Variants in CARMIL3 observed in about 807,000 individuals in gnomAD.
CARMIL3 encodes capping protein, Arp2/3 and myosin-I linker protein 3.
Under a neutral mutation model 180.8 loss-of-function variants are expected in CARMIL3, and 88 were observed. That is an observed-to-expected ratio of 0.49 (90% CI 0.41 to 0.58). The LOEUF (loss-of-function observed/expected upper bound fraction) is 0.58. Ranked by LOEUF, CARMIL3 falls within the 20% of genes least tolerant of loss-of-function variation. The pLI is 0.00. For synonymous variants in CARMIL3, 696 were observed against 714.5 expected, an observed-to-expected ratio of 0.97 and a Z score of 0.41; for missense variants, 1,548 against 1,787.0, an observed-to-expected ratio of 0.87 and a Z score of 2.41.
rs45538238 is a variant in CARMIL3 at position 24,053,816 on chromosome 14, G to T, written c.135+13G>T. On this transcript the variant is annotated intron_variant, in intron 2 of 39. Transcript: ENST00000342740. ...GGACCGAGTGCTGGTGAGGGCACTG[G>T]GCATGTGGGGAGGGAGGAGGTGGCT... 1.2e-6 allele frequency: 2 copies of T among 1,604,442 alleles called. No homozygotes were observed. The highest frequency in any genetic ancestry group is 3.4e-5 in the Admixed American group (2 of 59,062).
chr14:24,065,039 C>A lies in CARMIL3; in HGVS notation c.3162C>A (p.Gly1054=), dbSNP rs1404649326. Residue 1054 remains glycine (G), a synonymous_variant, in exon 33 of 40, where the codon GGC becomes GGA. Transcript: ENST00000342740. ...CACTCCAGAAGAAGAGGCGCCGGGGCCTGTTTCACTTTCGCCGGCCCCGGA... is the reference window on the plus strand; with the variant it reads ...CACTCCAGAAGAAGAGGCGCCGGGGACTGTTTCACTTTCGCCGGCCCCGGA... The part of the protein sequence containing the change: ...LPPLQKKRRR[G]LFHFRRPRSF... The A allele has an allele frequency of 1.9e-6, 3 of 1,609,470 alleles. No individual in the cohort carries two copies. Among genetic ancestry groups the A allele is most frequent in the African/African-American group, 1.3e-5 (1 of 74,616 alleles).
chr14:24,055,443 A>G, intron 8 of CARMIL3, 100 bp from the exon 9 acceptor site: 1 of 1,503,186 alleles, frequency 6.7e-7, no homozygotes, highest in South Asian at 1.1e-5. Flanking sequence ...CCATCTACCC[A>G]TTTAGGCCTT....
At chr14:24,064,373 T>C in intron 32 of CARMIL3, 27 bp downstream of exon 32, 1 of 1,552,084 alleles carries the variant, frequency 6.4e-7, no homozygotes, top group Non-Finnish European at 8.8e-7. Context: ...CACTCCCATT[T>C]TCAGCAGGCC....
rs910656893 is a variant in CARMIL3 at position 24,055,052 on chromosome 14, C to G, written c.461-14C>G. 1.2e-6 allele frequency: 2 copies of G among 1,612,854 alleles called. No homozygotes were observed. The highest frequency in any genetic ancestry group is 1.7e-6 in the Non-Finnish European group (2 of 1,179,858). ...CCTTACCCTCATGGAATCAGCCTAT[C>G]TCCTGCCCCACAGGTGGCTTCTCTG... On this transcript the variant is annotated splice_polypyrimidine_tract_variant and intron_variant, in intron 6 of 39. Transcript: ENST00000342740.
Position 24,069,260 on chromosome 14 carries a change from A to G in CARMIL3, c.4093+13A>G. The G allele has an allele frequency of 1.2e-6, 2 of 1,613,690 alleles. No individual in the cohort carries two copies. The highest frequency in any genetic ancestry group is 1.7e-6 in the Non-Finnish European group (2 of 1,179,632). ...CCTGACCCCACAGGTGCTGGTGGTG[A>G]GAGGGCAGGTCCCCCCTTCCCACCT... is the stretch of plus-strand genomic sequence containing the variant. On this transcript the variant is annotated intron_variant, in intron 39 of 39. Transcript: ENST00000342740.
At chr14:24,055,988 C>A (rs554505021) in intron 10 of CARMIL3, among the ~76,000 whole-genome samples, 199 bp downstream of exon 10, 1 of 152,208 alleles carries the variant, frequency 6.6e-6, no homozygotes, top group East Asian at 1.9e-4. Context: ...TGACGCCCAG[C>A]TCCATGGCCT....
At chr14:24,065,357 G>A (rs1317279902) in intron 33 of CARMIL3, 84 bp downstream of exon 33, 3 of 1,297,694 alleles carry the variant, frequency 2.3e-6, no homozygotes, top group Non-Finnish European at 2.1e-6. Context: ...AAGCTTAATG[G>A]GAGAATGCTA....
intron 24 of CARMIL3, 147 bp downstream of exon 24, chr14:24,060,402 CA>C: frequency 9.0e-7 from 1 of 1,108,124 alleles, no homozygotes; most frequent in Non-Finnish European, 1.3e-6. Context: ...AAAGAGAGGA[CA>C]TGCAGGATAT....
Position 24,054,889 on chromosome 14 carries a change from C to A in CARMIL3, c.460+81C>A. ...AGAGCCCTTTGTGCACAGGGTGTTG[C>A]CTGGGCGGGCGGGCTTTGCCTGCCT... On this transcript the variant is annotated intron_variant, in intron 6 of 39. Transcript: ENST00000342740. This position sits in a 1 kb window ranked among gnomAD's most constrained non-coding sequence, Gnocchi z 5.1. The A allele has an allele frequency of 6.7e-7, 1 of 1,483,892 alleles. No homozygotes were observed. Among genetic ancestry groups the A allele is most frequent in the African/African-American group, 1.4e-5 (1 of 71,784 alleles). The allele number at this position is 1,483,892 out of a possible 1,614,324, so 91.9% of individuals were successfully genotyped here.
In CARMIL3 at chr14:24,066,623, G is replaced by A. The variant is rs372289911; in HGVS notation, c.3649G>A (p.Ala1217Thr). ...CCAAAGCACCAAACCAAGCTTCAGC[G>A]CCATGCGCAGAGCAGAGGCCACATG... ...PPQSTKPSFS[A>T]MRRAEATWHI... The change falls in exon 36 of 40, where the codon GCC (alanine) becomes ACC (threonine). Residue 1217 changes from alanine (A) to threonine (T), a missense_variant. Transcript: ENST00000342740. 2.9e-5 allele frequency: 47 copies of A among 1,614,042 alleles called. No individual in the cohort carries two copies. In the Admixed American group the frequency reaches 3.0e-4, roughly 10 times the overall value.
Position 24,059,043 on chromosome 14 carries a change from G to T in CARMIL3, c.1571+57G>T. The T allele has an allele frequency of 6.2e-7, 1 of 1,603,254 alleles. No individual in the cohort carries two copies. The highest frequency in any genetic ancestry group is 1.7e-5 in the Admixed American group (1 of 58,580). ...CATCCCATCATTCACCCATCCTCTTGGCTCACCGTATTACCTCTGGCCACC... is the reference window on the plus strand; with the variant it reads ...CATCCCATCATTCACCCATCCTCTTTGCTCACCGTATTACCTCTGGCCACC... On this transcript the variant is annotated intron_variant, in intron 19 of 39. Coordinates refer to ENST00000342740, the MANE Select transcript of CARMIL3 (RefSeq NM_138360.4). This position sits in a 1 kb window ranked among gnomAD's most constrained non-coding sequence, Gnocchi z 6.3.
rs766783156 is a variant in CARMIL3, at chr14:24,061,944, G to A, written c.2480+272G>A. On this transcript the variant is annotated intron_variant, in intron 27 of 39. Transcript: ENST00000342740. The surrounding 1 kb of genome is among the most constrained non-coding windows in gnomAD (Gnocchi z 4.1). ...AAATACACCAGGAATGGGATAGCAG[G>A]GCCTCCTCGGAGGCATGGACAAAGA... 4.1e-5 allele frequency: 17 copies of A among 419,254 alleles called. No homozygotes were observed. Among genetic ancestry groups the A allele is most frequent in the Non-Finnish European group, 4.3e-6 (1 of 233,914 alleles). The allele number at this position is 419,254 out of a possible 1,614,324, so 26.0% of individuals were successfully genotyped here.
chr14:24,067,193 TAAAC>T (rs2035796061), intron 36 of CARMIL3, among the ~76,000 whole-genome samples: 1 of 152,176 alleles, frequency 6.6e-6, no homozygotes, highest in Non-Finnish European at 1.5e-5. Context: ...CCCGCGACCT[TAAAC>T]AAGTCATTTA....
At position 24,069,534 on chromosome 14, in the gene CARMIL3, G is replaced by T. The variant is rs1390932141; in HGVS notation, c.*130G>T. On this transcript the variant is annotated 3_prime_UTR_variant, in exon 40 of 40. Transcript: ENST00000342740. Reference sequence around the variant, plus strand: ...GGGGCAAGACGGCAGGACCAGGCATGGGGGAGCTGGAGGCAGGGACTAGAA... The same window carrying T: ...GGGGCAAGACGGCAGGACCAGGCATTGGGGAGCTGGAGGCAGGGACTAGAA... The T allele has an allele frequency of 2.5e-5, 31 of 1,234,736 alleles. No homozygotes were observed. The highest frequency in any genetic ancestry group is 2.4e-4 in the Middle Eastern group (1 of 4,130). The allele number at this position is 1,234,736 out of a possible 1,614,324, so 76.5% of individuals were successfully genotyped here.
At chr14:24,064,406 G>C (rs1414098686) in intron 32 of CARMIL3, 60 bp downstream of exon 32, 1 of 1,279,850 alleles carries the variant, frequency 7.8e-7, no homozygotes, top group Non-Finnish European at 1.1e-6. Flanking sequence ...AAGGGCTGCT[G>C]TGTCCTCCCA....
At chr14:24,064,818 A>G in intron 32 of CARMIL3, 140 bp from the exon 33 acceptor site, 1 of 867,278 alleles carries the variant, frequency 1.2e-6, no homozygotes, top group Non-Finnish European at 1.8e-6. Context: ...AGGAAAGGCA[A>G]GGGCATCATC....
Position 24,060,690 on chromosome 14 carries a change from G to C in CARMIL3, c.2124G>C (p.Leu708=), listed in dbSNP as rs1405189019. 1 of 1,613,780 alleles carries C rather than the reference G, an allele frequency of 6.2e-7. No individual in the cohort carries two copies. The highest frequency in any genetic ancestry group is 2.2e-5 in the East Asian group (1 of 44,894). Residue 708 remains leucine, a synonymous_variant, in exon 25 of 40, where the codon CTG becomes CTC. Transcript: ENST00000342740. ...EEVRALRLCP[L]EPVQDELLYA... ...TGCGGGCCCTGAGACTATGCCCCCT[G>C]GAGCCTGTGCAGGATGAGCTACTCT...
Position 24,069,245 on chromosome 14 carries a change from C to T in CARMIL3, c.4091C>T (p.Thr1364Ile), listed in dbSNP as rs754880851. 6 of 1,613,988 alleles carry T rather than the reference C, an allele frequency of 3.7e-6. No individual in the cohort carries two copies. In the African/African-American group the frequency reaches 6.7e-5, roughly 18 times the overall value. The change falls in exon 39 of 40, where the codon ACA becomes ATA. Residue 1364 changes from threonine to isoleucine, a missense_variant and splice_region_variant. Transcript: ENST00000342740. The part of the protein sequence containing the change: ...EPDRRRPPDP[T>I]GTSEPGTD ...GATAGAAGACGGCCTCCTGACCCCA[C>T]AGGTGCTGGTGGTGAGAGGGCAGGT...
Position 24,062,828 on chromosome 14 carries a change from T to G in CARMIL3, c.2688T>G (p.Asp896Glu). 1 of 1,610,668 alleles carries G rather than the reference T, an allele frequency of 6.2e-7. No homozygotes were observed. The highest frequency in any genetic ancestry group is 8.5e-7 in the Non-Finnish European group (1 of 1,178,568). The change falls in exon 29 of 40, where the codon GAT becomes GAG. Residue 896 changes from aspartate (D) to glutamate (E), a missense_variant. Physicochemically the swap from Asp to Glu is conservative, Grantham distance 45. Around this residue, in one of 4 missense-constraint regions of CARMIL3, gnomAD observed 668 missense variants for 687.8 expected, o/e 0.97. Coordinates refer to ENST00000342740, the MANE Select transcript of CARMIL3 (RefSeq NM_138360.4). ...RNHDHEETTDDELGTNIDTMA... is the reference protein window; with the variant it reads ...RNHDHEETTDEELGTNIDTMA... Reference sequence around the variant, plus strand: ...ATGACCATGAGGAGACCACAGATGATGAACTTGGGACCAACATTGTGAGCC... The same window carrying G: ...ATGACCATGAGGAGACCACAGATGAGGAACTTGGGACCAACATTGTGAGCC...
Sources: gnomAD v4.1 joint callset for allele counts (sites outside exome capture counted in the v4.1 genomes callset) on GRCh38, gnomAD v4.1.1 for gene constraint, gnomAD v4.1.1 regional missense constraint, Gnocchi (gnomAD v3.1) non-coding constraint, MANE v1.5 for transcripts, NCBI Gene and HGNC (gene_info 2026-07-23, HGNC 2026-07-21) for gene names.